The following ARHGAP8 variants were observed in gnomAD, a reference collection of about 807,000 sequenced individuals.
ARHGAP8 encodes the protein Rho GTPase activating protein 8.
Under a neutral mutation model 46.1 loss-of-function variants are expected in ARHGAP8, and 62 were observed. That is an observed-to-expected ratio of 1.34 (90% CI 1.10 to 1.66). The LOEUF is 1.66. Among genes scored for constraint, ARHGAP8 ranks in the 40% most tolerant of loss-of-function variants. ARHGAP8 has a pLI of 0.00. For synonymous variants in ARHGAP8, 375 were observed against 243.1 expected (o/e 1.54, Z -5.05); for missense variants, 923 against 568.4 (o/e 1.62, Z -6.34).
chr22:44,854,259 C>T (rs6007327), intron 10 of ARHGAP8, among the ~76,000 whole-genome samples: 28,341 of 135,284 alleles, frequency 0.21, 3,417 homozygotes, highest in African/African-American at 0.35. Flanking sequence ...TTTTTTGAGA[C>T]GGAGTCTTGC....
intron 1 of ARHGAP8, among the ~76,000 whole-genome samples, chr22:44,757,226 C>T (rs1404768001): frequency 1.3e-5 from 2 of 151,610 alleles, no homozygotes; most frequent in Non-Finnish European, 2.9e-5. Flanking sequence ...GCAACAAGTT[C>T]TTAATATCAG....
intron 7 of ARHGAP8, among the ~76,000 whole-genome samples, chr22:44,836,628 C>A (rs1316526953): frequency 2.6e-5 from 4 of 151,376 alleles, no homozygotes. Flanking sequence ...CTCTGGGCAT[C>A]CAGGACCTCC....
intron 1 of ARHGAP8, among the ~76,000 whole-genome samples, chr22:44,759,826 C>T (rs778292810): frequency 2.0e-4 from 30 of 152,238 alleles, no homozygotes; most frequent in Non-Finnish European, 3.7e-4. Context: ...ACTGGGCGGG[C>T]CCTGGGAGGC....
chr22:44,848,927 T>A lies in ARHGAP8; in HGVS notation c.749-5T>A. 1 of 1,614,066 alleles carries A rather than the reference T, an allele frequency of 6.2e-7. No individual in the cohort carries two copies. Reference sequence around the variant, plus strand: ...GACCTCAGCAGTGCTGTGTTGTGTGTGCAGGGAAGCCCGTGAACTTTGACG... The same window carrying A: ...GACCTCAGCAGTGCTGTGTTGTGTGAGCAGGGAAGCCCGTGAACTTTGACG... On this transcript the variant is annotated splice_polypyrimidine_tract_variant and splice_region_variant and intron_variant, in intron 9 of 11. Coordinates refer to ENST00000356099, the MANE Select transcript of ARHGAP8 (RefSeq NM_181335.3).
chr22:44,811,166 G>A (rs563175087), intron 4 of ARHGAP8, among the ~76,000 whole-genome samples: 2 of 152,290 alleles, frequency 1.3e-5, no homozygotes, highest in South Asian at 4.1e-4. Flanking sequence ...ATAAGGAGTG[G>A]GTCACTCCCG....
chr22:44,845,453 G>T, intron 8 of ARHGAP8, 111 bp downstream of exon 8: 2 of 1,455,416 alleles, frequency 1.4e-6, no homozygotes, highest in Non-Finnish European at 1.9e-6. Flanking sequence ...TGACCAGGAA[G>T]GGAGGGGCTC....
intron 7 of ARHGAP8, among the ~76,000 whole-genome samples, chr22:44,839,163 C>G (rs1285607812): frequency 1.3e-5 from 2 of 152,138 alleles, no homozygotes; most frequent in African/African-American, 2.4e-5. Context: ...GGGACACTGT[C>G]TCTGTGGGCC....
chr22:44,843,776 G>GATCACACC, intron 7 of ARHGAP8, among the ~76,000 whole-genome samples: 1 of 135,132 alleles, frequency 7.4e-6, no homozygotes, highest in South Asian at 2.3e-4. Flanking sequence ...AGCTAGCCAA[G>GATCACACC]ATCACACCGC....
intron 1 of ARHGAP8, among the ~76,000 whole-genome samples, chr22:44,766,432 G>A (rs2147001313): frequency 6.6e-6 from 1 of 152,172 alleles, no homozygotes; most frequent in South Asian, 2.1e-4. Context: ...GTGCACACGT[G>A]TGTCTTTGTG....
intron 2 of ARHGAP8, 69 bp downstream of exon 2, chr22:44,786,675 A>G (rs1267564830): frequency 1.3e-6 from 2 of 1,543,266 alleles, no homozygotes; most frequent in Middle Eastern, 2.2e-4. Context: ...ACTTTGAGGC[A>G]AAGTGGGCTC....
chr22:44,780,463 C>A (rs886539778), intron 1 of ARHGAP8, among the ~76,000 whole-genome samples: 1 of 152,070 alleles, frequency 6.6e-6, no homozygotes, highest in Non-Finnish European at 1.5e-5. Context: ...GAGTTTAAGA[C>A]CAACCTGGTC....
At chr22:44,862,137 T>C (rs948460903) in intron 11 of ARHGAP8, 138 bp from the exon 12 acceptor site, 2 of 1,022,922 alleles carry the variant, frequency 2.0e-6, no homozygotes, top group African/African-American at 1.6e-5. Flanking sequence ...CTGCACAGGG[T>C]CCCCATTACT....
At chr22:44,824,887 C>T (rs1009923320) in intron 6 of ARHGAP8, among the ~76,000 whole-genome samples, 5 of 152,048 alleles carry the variant, frequency 3.3e-5, no homozygotes, top group Middle Eastern at 3.4e-3. Flanking sequence ...CCTGCCTCGG[C>T]CTCCCAAAGT....
At chr22:44,851,115 G>A (rs1028667704) in intron 10 of ARHGAP8, among the ~76,000 whole-genome samples, 24 of 152,072 alleles carry the variant, frequency 1.6e-4, no homozygotes, top group Admixed American at 3.3e-4. Flanking sequence ...CCCAGTCCCC[G>A]GGGAGGGAAG....
At position 44,782,114 on chromosome 22, in the gene ARHGAP8, C is replaced by A. The variant is rs951991943; in HGVS notation, c.-71-4343C>A. 8.5e-5 allele frequency among the ~76,000 whole-genome samples: 13 copies of A among 152,218 alleles called. No individual in the cohort carries two copies. The South Asian group carries it at 2.3e-3, about 27-fold the overall frequency. ...CTTTGGGAGGCTGAGGCGGGCAGAT[C>A]ACTTGAGGTCAGGAGTTTGAGACCA... is the stretch of plus-strand genomic sequence containing the variant. On this transcript the variant is annotated intron_variant, in intron 1 of 11. Transcript: ENST00000356099.
chr22:44,778,503 T>G (rs1003955632), intron 1 of ARHGAP8, among the ~76,000 whole-genome samples: 6 of 152,230 alleles, frequency 3.9e-5, no homozygotes, highest in African/African-American at 1.4e-4. Flanking sequence ...TGCAAGGATC[T>G]TTTTTGTATA....
intron 10 of ARHGAP8, among the ~76,000 whole-genome samples, chr22:44,858,660 T>C (rs1367817618): frequency 6.7e-6 from 1 of 149,784 alleles, no homozygotes; most frequent in Non-Finnish European, 1.5e-5. Context: ...CATGAGCCAC[T>C]GTGCCTGGCT....
chr22:44,816,978 T>C (rs936075866), intron 5 of ARHGAP8, among the ~76,000 whole-genome samples: 1 of 150,004 alleles, frequency 6.7e-6, no homozygotes, highest in Non-Finnish European at 1.5e-5. Context: ...CTCTGCCTCC[T>C]GGGTTCAAGC....
At chr22:44,807,093 C>G (rs564822531) in intron 3 of ARHGAP8, among the ~76,000 whole-genome samples, 9 of 152,308 alleles carry the variant, frequency 5.9e-5, no homozygotes, top group African/African-American at 1.9e-4. Context: ...CGAGGCAGTT[C>G]TGGGAGCTTC....
Sources: allele counts gnomAD v4.1 joint callset (sites outside exome capture counted in the v4.1 genomes callset), GRCh38; gene constraint gnomAD v4.1.1; transcripts MANE v1.5; gene names NCBI Gene and HGNC (gene_info 2026-07-23, HGNC 2026-07-21).